Variants in NEK10 observed in about 807,000 individuals in gnomAD.
NEK10 encodes the protein serine/threonine-protein kinase Nek10.
In NEK10, 122 loss-of-function variants were observed where a neutral mutation model predicts 159.8. The observed-to-expected ratio is 0.76, with a 90% confidence interval of 0.66 to 0.89. The LOEUF is 0.89. Among genes scored for constraint, NEK10 ranks in the 40% least tolerant of loss-of-function variants. The pLI is 0.00. For missense variants in NEK10, 1,342 were observed against 1,323.1 expected, an observed-to-expected ratio of 1.01 and a Z score of -0.22; for synonymous variants, 466 against 457.1, an observed-to-expected ratio of 1.02 and a Z score of -0.25.
intron 1 of NEK10, among the ~76,000 whole-genome samples, chr3:27,355,237 G>A (rs2048251065): frequency 6.6e-6 from 1 of 152,072 alleles, no homozygotes. Flanking sequence ...TCAGTCCTTG[G>A]TCCTCCTCCC....
chr3:27,194,692 T>C (rs1420864124), intron 25 of NEK10: 1 of 152,178 alleles, frequency 6.6e-6, no homozygotes, highest in African/African-American at 2.4e-5. Context: ...TAGCTGAAAG[T>C]ATTAACTTTG....
At chr3:27,114,465 T>C (rs1054860730) in intron 35 of NEK10, among the ~76,000 whole-genome samples, 5 of 152,184 alleles carry the variant, frequency 3.3e-5, no homozygotes, top group African/African-American at 1.2e-4. Flanking sequence ...AGGTAGTATT[T>C]TGAAACTGTT....
At chr3:27,259,764 T>G (rs1051769091) in intron 22 of NEK10, among the ~76,000 whole-genome samples, 1 of 152,200 alleles carries the variant, frequency 6.6e-6, no homozygotes, top group African/African-American at 2.4e-5. Flanking sequence ...AGAAAATCAT[T>G]GGTAGCTTGA....
intron 6 of NEK10, among the ~76,000 whole-genome samples, chr3:27,319,200 G>A (rs1337312377): frequency 1.3e-5 from 2 of 152,180 alleles, no homozygotes; most frequent in African/African-American, 4.8e-5. Flanking sequence ...AATGTGCTAT[G>A]GCTTCACTAT....
chr3:27,141,292 C>A (rs1358598499), intron 31 of NEK10, among the ~76,000 whole-genome samples, 190 bp downstream of exon 31: 1 of 152,214 alleles, frequency 6.6e-6, no homozygotes, highest in East Asian at 1.9e-4. Context: ...TAGGGAAAAT[C>A]CCATATATTT....
chr3:27,129,441 T>C lies in NEK10; in HGVS notation c.3081+2439A>G, dbSNP rs369014187. 3.4e-4 allele frequency among the ~76,000 whole-genome samples: 51 copies of C among 152,202 alleles called. No homozygotes were observed. The East Asian group carries it at 8.1e-3, about 24-fold the overall frequency. Reference sequence around the variant, plus strand: ...GGTGACTGTGTCAGTCAAAGGCTAATTGGCCACTCCTCTATGGTTACACAG... The same window carrying C: ...GGTGACTGTGTCAGTCAAAGGCTAACTGGCCACTCCTCTATGGTTACACAG... On this transcript the variant is annotated intron_variant, in intron 32 of 35. Transcript: ENST00000691995.
At chr3:27,120,177 G>T (rs1472300773) in intron 32 of NEK10, among the ~76,000 whole-genome samples, 1 of 152,056 alleles carries the variant, frequency 6.6e-6, no homozygotes, top group Non-Finnish European at 1.5e-5. Flanking sequence ...GGGATATCAA[G>T]ATGTTATTTT....
intron 23 of NEK10, among the ~76,000 whole-genome samples, chr3:27,213,325 C>A (rs545190422): frequency 3.4e-4 from 52 of 152,278 alleles, no homozygotes; most frequent in African/African-American, 1.3e-3. Context: ...GAGAGAGGAA[C>A]TTTAAGTCAC....
chr3:27,226,334 C>T (rs924758812), intron 23 of NEK10, among the ~76,000 whole-genome samples: 8 of 151,710 alleles, frequency 5.3e-5, no homozygotes, highest in Non-Finnish European at 1.0e-4. Context: ...CGTGAGCCAC[C>T]GTGCCTGGCC....
rs1391709577 is a variant in NEK10, at chr3:27,145,465, T to G, written c.2870-3883A>C. 4.6e-5 allele frequency among the ~76,000 whole-genome samples: 7 copies of G among 152,192 alleles called. No homozygotes were observed. The East Asian group carries it at 1.4e-3, about 29-fold the overall frequency. On this transcript the variant is annotated intron_variant, in intron 30 of 35. Transcript: ENST00000691995. ...ACGAAATTTCTTATAAGAGGCAATT[T>G]ACTTAAAAGCGTCAAAAAGTCATTA...
intron 23 of NEK10, among the ~76,000 whole-genome samples, chr3:27,229,611 G>T (rs1393365501): frequency 6.6e-6 from 1 of 151,938 alleles, no homozygotes; most frequent in Admixed American, 6.6e-5. Flanking sequence ...CCAACATAAA[G>T]AAATTTTTTT....
At chr3:27,343,153 G>A in intron 5 of NEK10, among the ~76,000 whole-genome samples, 1 of 152,254 alleles carries the variant, frequency 6.6e-6, no homozygotes, top group Admixed American at 6.5e-5. Context: ...GACAGATGCA[G>A]TCTCAATTCT....
intron 29 of NEK10, 133 bp downstream of exon 29, chr3:27,171,686 C>T: frequency 1.2e-6 from 1 of 810,366 alleles, no homozygotes; most frequent in Non-Finnish European, 1.9e-6. Flanking sequence ...ATAAACAGTT[C>T]TGGGCAAGTA....
chr3:27,139,787 T>C (rs767865234), intron 31 of NEK10, among the ~76,000 whole-genome samples: 5 of 152,170 alleles, frequency 3.3e-5, no homozygotes, highest in Admixed American at 6.5e-5. Flanking sequence ...GACGGGCTCA[T>C]TGGGGTAGAT....
In NEK10 at chr3:27,308,949, C is replaced by A. The variant is rs762704819; in HGVS notation, c.693G>T (p.Leu231=). 1 of 1,596,614 alleles carries A rather than the reference C, an allele frequency of 6.3e-7. No individual in the cohort carries two copies. Among genetic ancestry groups the A allele is most frequent in the Non-Finnish European group, 8.6e-7 (1 of 1,165,678 alleles). ...ACCTTTCTGCTAAACTAGCCAGAGCCAGAAGGGAACCCAATAGAACATTAG... is the reference window on the plus strand; with the variant it reads ...ACCTTTCTGCTAAACTAGCCAGAGCAAGAAGGGAACCCAATAGAACATTAG... ...RDTNVLLGSL[L]ALASLAESQE... Residue 231 remains leucine (L), a synonymous_variant, in exon 10 of 36, where the codon CTG becomes CTT. Coordinates refer to ENST00000691995, the MANE Select transcript of NEK10 (RefSeq NM_001394966.1).
intron 1 of NEK10, among the ~76,000 whole-genome samples, chr3:27,364,396 GTGTGTGTGTA>G (rs1442810780): frequency 7.9e-5 from 8 of 100,824 alleles, no homozygotes; most frequent in African/African-American, 2.7e-4. Context: ...GTGTGTGTGT[GTGTGTGTGTA>G]TAGTAGAGAC....
rs905267864 is a variant in NEK10, at chr3:27,265,138, C to A, written c.2015-8767G>T. Among the ~76,000 whole-genome samples, 2 of 152,086 alleles carry A rather than the reference C, an allele frequency of 1.3e-5. 1 individual carries two copies. Among genetic ancestry groups the A allele is most frequent in the Non-Finnish European group, 2.9e-5 (2 of 68,016 alleles). On this transcript the variant is annotated intron_variant, in intron 22 of 35. Coordinates refer to ENST00000691995, the MANE Select transcript of NEK10 (RefSeq NM_001394966.1). ...AAGCTGTAGCTAATAATCTACTTAA[C>A]CCTGAAAAACTGAGTGTTTCCCTTT...
At chr3:27,325,495 G>C (rs1485870189) in intron 5 of NEK10, among the ~76,000 whole-genome samples, 2 of 152,078 alleles carry the variant, frequency 1.3e-5, no homozygotes, top group Non-Finnish European at 2.9e-5. Context: ...GTTCATCTCT[G>C]TCTCCTCTAT....
chr3:27,291,692 G>T, intron 16 of NEK10, 106 bp from the exon 17 acceptor site: 1 of 682,650 alleles, frequency 1.5e-6, no homozygotes, highest in South Asian at 1.8e-5. Context: ...ACCCAGGCTG[G>T]AGTGCAGTGG....
Sources: gnomAD v4.1 joint callset for allele counts (sites outside exome capture counted in the v4.1 genomes callset) on GRCh38, gnomAD v4.1.1 for gene constraint, MANE v1.5 for transcripts, NCBI Gene and HGNC (gene_info 2026-07-23, HGNC 2026-07-21) for gene names.